PAFAH1B1: variants seen among roughly 807,000 people sequenced by gnomAD.
PAFAH1B1 encodes the protein platelet activating factor acetylhydrolase 1b regulatory subunit 1, also known as platelet-activating factor acetylhydrolase IB subunit beta.
Under a neutral mutation model 57.5 loss-of-function variants are expected in PAFAH1B1, and 2 were observed. The ratio of observed to expected loss-of-function variants is 0.03; its 90% confidence interval spans 0.01 to 0.11. The LOEUF (loss-of-function observed/expected upper bound fraction) is 0.11, where lower values mean the gene tolerates loss of function less well. Ranked by LOEUF, PAFAH1B1 falls within the 10% of genes least tolerant of loss-of-function variation. PAFAH1B1 has a pLI of 1.00. For synonymous variants in PAFAH1B1, 152 were observed against 169.6 expected, an observed-to-expected ratio of 0.90 and a Z score of 0.81; for missense variants, 257 against 512.0, an observed-to-expected ratio of 0.50 and a Z score of 4.81.
At chr17:2,656,754 G>A (rs568868442) in intron 2 of PAFAH1B1, among the ~76,000 whole-genome samples, 2 of 152,200 alleles carry the variant, frequency 1.3e-5, no homozygotes, top group East Asian at 3.9e-4. Context: ...GTCTTCCTTT[G>A]TTTAGTTTGC....
chr17:2,594,071 C>G (rs1187169844), intron 1 of PAFAH1B1, 65 bp downstream of exon 1: 2 of 397,276 alleles, frequency 5.0e-6, no homozygotes, highest in Non-Finnish European at 4.4e-6. Flanking sequence ...GGCTGCAGGC[C>G]GGACCCGGCG....
At chr17:2,624,920 A>G (rs145963564) in intron 1 of PAFAH1B1, among the ~76,000 whole-genome samples, 10 of 152,314 alleles carry the variant, frequency 6.6e-5, no homozygotes, top group Admixed American at 5.2e-4. Flanking sequence ...GAATTACCGG[A>G]TAAGTCTTTA....
chr17:2,684,617 T>C lies in PAFAH1B1; in HGVS notation c.*2815T>C, dbSNP rs2069443932. On this transcript the variant is annotated 3_prime_UTR_variant, in exon 11 of 11. Transcript: ENST00000397195. The stretch of plus-strand genomic sequence containing the variant: ...GCTGCGCTCTTGAGAGTGCATGCCA[T>C]GGAGACTGGTTTAGACACCGCGTGG... The C allele has an allele frequency of 6.5e-6, 1 of 152,672 alleles. No individual in the cohort carries two copies. Among genetic ancestry groups the C allele is most frequent in the South Asian group, 2.1e-4 (1 of 4,834 alleles). 9.5% of individuals were successfully genotyped at this position (152,672 alleles called of 1,614,324 possible).
intron 2 of PAFAH1B1, among the ~76,000 whole-genome samples, chr17:2,644,496 T>TCACACCCTTGTACACACCCTTGTA (rs576583578): frequency 1.7e-3 from 266 of 152,282 alleles, no homozygotes; most frequent in African/African-American, 5.8e-3. Flanking sequence ...TGAGCCGCGA[T>TCACACCCTTGTACACACCCTTGTA]CACACCCTTG....
intron 1 of PAFAH1B1, among the ~76,000 whole-genome samples, chr17:2,627,516 G>A (rs137937989): frequency 0.011 from 1,666 of 152,304 alleles, 29 homozygotes; most frequent in African/African-American, 0.038. Context: ...TTTGAAAGCA[G>A]ATAGTGTGAT....
chr17:2,637,516 GA>G (rs1220031570), intron 1 of PAFAH1B1, among the ~76,000 whole-genome samples: 1 of 152,106 alleles, frequency 6.6e-6, no homozygotes, highest in African/African-American at 2.4e-5. Context: ...CCCAGAGGGG[GA>G]AGGCTGCAAT....
intron 1 of PAFAH1B1, among the ~76,000 whole-genome samples, chr17:2,621,239 C>T (rs1663948162): frequency 6.6e-6 from 1 of 152,100 alleles, no homozygotes; most frequent in Non-Finnish European, 1.5e-5. Context: ...CTTCACCCTC[C>T]GAAAGGCCCC....
At chr17:2,664,268 G>A (rs544192208) in intron 2 of PAFAH1B1, among the ~76,000 whole-genome samples, 16 of 152,220 alleles carry the variant, frequency 1.1e-4, no homozygotes, top group African/African-American at 3.9e-4. Flanking sequence ...TTGAGACGTA[G>A]TTTCGCTGTT....
intron 2 of PAFAH1B1, among the ~76,000 whole-genome samples, chr17:2,663,283 A>C (rs766475599): frequency 6.6e-6 from 1 of 152,088 alleles, no homozygotes; most frequent in Non-Finnish European, 1.5e-5. Context: ...AAATAAAATA[A>C]AGCTGATGAA....
intron 1 of PAFAH1B1, among the ~76,000 whole-genome samples, 169 bp from the exon 2 acceptor site, chr17:2,637,930 C>G (rs976672846): frequency 2.6e-5 from 4 of 152,058 alleles, no homozygotes; most frequent in Non-Finnish European, 5.9e-5. Context: ...AAAGACAAAA[C>G]AGTATGGTTT....
At chr17:2,666,183 T>C (rs1403465970) in intron 4 of PAFAH1B1, 93 bp downstream of exon 4, 2 of 1,132,554 alleles carry the variant, frequency 1.8e-6, no homozygotes, top group Non-Finnish European at 2.5e-6. Flanking sequence ...TAATTGCATC[T>C]AATCTTTAAA....
At position 2,638,163 on chromosome 17, in the gene PAFAH1B1, A is replaced by G; in HGVS notation, c.-126A>G. On this transcript the variant is annotated 5_prime_UTR_variant, in exon 2 of 11. Coordinates refer to ENST00000397195, the MANE Select transcript of PAFAH1B1 (RefSeq NM_000430.4). Reference sequence around the variant, plus strand: ...AGTTGGATTCATTTGTGAAAGAATCATTTTCCCCTGTGTGGAAGACACTTA... The same window carrying G: ...AGTTGGATTCATTTGTGAAAGAATCGTTTTCCCCTGTGTGGAAGACACTTA... The G allele has an allele frequency of 1.5e-6, 1 of 685,094 alleles. No individual in the cohort carries two copies. The highest frequency in any genetic ancestry group is 2.6e-6 in the Non-Finnish European group (1 of 388,208). 42.4% of individuals were successfully genotyped at this position (685,094 alleles called of 1,614,324 possible). A position where few individuals can be genotyped will look rare whatever the true frequency, so the allele number is the denominator to read the frequency against.
chr17:2,667,497 C>A, intron 5 of PAFAH1B1: 1 of 342,372 alleles, frequency 2.9e-6, no homozygotes, highest in South Asian at 2.6e-5. Context: ...AGGCATGCTG[C>A]CAGGTAAGTT....
intron 1 of PAFAH1B1, among the ~76,000 whole-genome samples, chr17:2,616,396 G>A (rs1442669090): frequency 6.6e-6 from 1 of 152,162 alleles, no homozygotes; most frequent in Non-Finnish European, 1.5e-5. Flanking sequence ...TCATGCTATT[G>A]TGAAGGCTTG....
chr17:2,681,876 G>A lies in PAFAH1B1; in HGVS notation c.*74G>A, dbSNP rs752432989. 7.7e-6 allele frequency: 8 copies of A among 1,037,072 alleles called. No homozygotes were observed. The highest frequency in any genetic ancestry group is 2.5e-5 in the East Asian group (1 of 40,528). 64.2% of individuals were successfully genotyped at this position (1,037,072 alleles called of 1,614,324 possible). A position where few individuals can be genotyped will look rare whatever the true frequency, so the allele number is the denominator to read the frequency against. ...GATGATACCATGGTTACCCCATTGA[G>A]CTCTGTTTAAATAAATATTGTCCTT... is the stretch of plus-strand genomic sequence containing the variant. On this transcript the variant is annotated 3_prime_UTR_variant, in exon 11 of 11. Transcript: ENST00000397195.
Position 2,681,809 on chromosome 17 carries a change from C to G in PAFAH1B1, c.*7C>G. The G allele has an allele frequency of 1.2e-6, 2 of 1,605,476 alleles. No homozygotes were observed. The highest frequency in any genetic ancestry group is 1.7e-6 in the Non-Finnish European group (2 of 1,174,074). ...AGTGTGGGAGTGCCGTTGATTGTGT[C>G]TCCTTCGGCCCCTCCTCCCTCTTTT... On this transcript the variant is annotated 3_prime_UTR_variant, in exon 11 of 11. Transcript: ENST00000397195.
intron 9 of PAFAH1B1, among the ~76,000 whole-genome samples, chr17:2,676,959 G>T (rs61052443): frequency 6.6e-6 from 1 of 151,988 alleles, no homozygotes; most frequent in Admixed American, 6.6e-5. Context: ...TCAGGAGATC[G>T]AGCTAACTTG....
At chr17:2,678,575 AAAAG>A (rs2069312170) in intron 9 of PAFAH1B1, among the ~76,000 whole-genome samples, 1 of 151,638 alleles carries the variant, frequency 6.6e-6, no homozygotes, top group Non-Finnish European at 1.5e-5. Context: ...CCAGGAAAAA[AAAAG>A]AAAAGAAACA....
chr17:2,602,243 C>T (rs562911392), intron 1 of PAFAH1B1, among the ~76,000 whole-genome samples: 52 of 147,394 alleles, frequency 3.5e-4, no homozygotes, highest in African/African-American at 1.2e-3. Context: ...AAATTATCTC[C>T]ACCTACTGAA....
Sources: allele counts gnomAD v4.1 joint callset (sites outside exome capture counted in the v4.1 genomes callset), GRCh38; gene constraint gnomAD v4.1.1; transcripts MANE v1.5; gene names NCBI Gene and HGNC (gene_info 2026-07-23, HGNC 2026-07-21).